Variants in JMJD1C observed in about 807,000 individuals in gnomAD.
JMJD1C encodes the protein jumonji domain containing 1C.
A neutral mutation model predicts 245.3 loss-of-function variants in JMJD1C; 31 were observed. The observed-to-expected ratio is 0.13, with a 90% CI of 0.09 to 0.17. The LOEUF (loss-of-function observed/expected upper bound fraction) is 0.17. JMJD1C is among the 10% of genes least tolerant of loss of function. The pLI is 1.00. For synonymous variants in JMJD1C, 1,057 were observed against 1,017.4 expected (o/e 1.04, Z -0.74); for missense variants, 2,691 against 3,000.2 (o/e 0.90, Z 2.41).
intron 1 of JMJD1C, among the ~76,000 whole-genome samples, chr10:63,415,974 C>T (rs1419143392): frequency 6.6e-6 from 1 of 152,188 alleles, no homozygotes; most frequent in Non-Finnish European, 1.5e-5. Flanking sequence ...CCCACAACTA[C>T]ACAGCTGAAC....
intron 13 of JMJD1C, among the ~76,000 whole-genome samples, chr10:63,197,072 G>A (rs1845542748): frequency 6.6e-6 from 1 of 151,948 alleles, no homozygotes; most frequent in Non-Finnish European, 1.5e-5. Context: ...GCCTCCCAAA[G>A]TGCTGAGATT....
At chr10:63,305,884 A>C (rs1353867552) in intron 2 of JMJD1C, among the ~76,000 whole-genome samples, 1 of 151,138 alleles carries the variant, frequency 6.6e-6, no homozygotes, top group Non-Finnish European at 1.5e-5. Context: ...AGGCATGTGC[A>C]AACTAATTTT....
At chr10:63,508,927 AT>A (rs1166640284) in intron 1 of JMJD1C, among the ~76,000 whole-genome samples, 1 of 152,066 alleles carries the variant, frequency 6.6e-6, no homozygotes, top group Non-Finnish European at 1.5e-5. Context: ...TTTTATTTCC[AT>A]TTTTTGTCTT....
At chr10:63,513,691 T>C (rs1954935827) in intron 1 of JMJD1C, among the ~76,000 whole-genome samples, 1 of 152,046 alleles carries the variant, frequency 6.6e-6, no homozygotes, top group African/African-American at 2.4e-5. Context: ...GACAGGCGGA[T>C]CATGAGGTCA....
chr10:63,368,608 G>A (rs1259828471), intron 2 of JMJD1C, among the ~76,000 whole-genome samples: 1 of 152,196 alleles, frequency 6.6e-6, no homozygotes, highest in African/African-American at 2.4e-5. Context: ...TAATAAAACA[G>A]CATCACGTTG....
At chr10:63,385,239 T>C (rs1237530237) in intron 1 of JMJD1C, among the ~76,000 whole-genome samples, 1 of 151,920 alleles carries the variant, frequency 6.6e-6, no homozygotes, top group African/African-American at 2.4e-5. Flanking sequence ...CAAAGATCAC[T>C]GATGACACAT....
chr10:63,386,375 A>G (rs1440009179), intron 1 of JMJD1C, among the ~76,000 whole-genome samples: 2 of 152,194 alleles, frequency 1.3e-5, no homozygotes, highest in Non-Finnish European at 2.9e-5. Flanking sequence ...CAGGGCTGCA[A>G]CATGATGGCT....
At chr10:63,239,867 G>A (rs995903376) in intron 3 of JMJD1C, among the ~76,000 whole-genome samples, 4 of 152,200 alleles carry the variant, frequency 2.6e-5, no homozygotes, top group Admixed American at 2.6e-4. Context: ...ACAGTAAATA[G>A]ACAGCAGAAG....
At chr10:63,198,455 C>T (rs1040016391) in intron 12 of JMJD1C, 58 bp downstream of exon 12, 1 of 1,079,438 alleles carries the variant, frequency 9.3e-7, no homozygotes, top group African/African-American at 1.6e-5. Flanking sequence ...AAACATAATT[C>T]AAAGAGAAAT....
intron 19 of JMJD1C, among the ~76,000 whole-genome samples, chr10:63,185,925 C>T (rs1190389475): frequency 6.6e-6 from 1 of 152,168 alleles, no homozygotes; most frequent in Admixed American, 6.5e-5. Context: ...TACATCTACA[C>T]TTTTAATTTT....
chr10:63,196,614 T>G (rs1020204898), intron 13 of JMJD1C, among the ~76,000 whole-genome samples: 1 of 152,302 alleles, frequency 6.6e-6, no homozygotes, highest in African/African-American at 2.4e-5. Context: ...AAGAGCGGCC[T>G]GAAATGAAAA....
At chr10:63,261,912 T>G (rs1313804051) in intron 3 of JMJD1C, among the ~76,000 whole-genome samples, 1 of 152,112 alleles carries the variant, frequency 6.6e-6, no homozygotes, top group Non-Finnish European at 1.5e-5. Flanking sequence ...TTCTGGAAAT[T>G]TTAAAAACTT....
intron 24 of JMJD1C, among the ~76,000 whole-genome samples, chr10:63,175,447 A>G (rs1842790525): frequency 6.6e-6 from 1 of 152,208 alleles, no homozygotes; most frequent in South Asian, 2.1e-4. Flanking sequence ...GATAAATCTG[A>G]CCCTGAATCT....
intron 2 of JMJD1C, among the ~76,000 whole-genome samples, chr10:63,302,158 C>G (rs1182712183): frequency 1.3e-5 from 2 of 152,180 alleles, no homozygotes; most frequent in African/African-American, 2.4e-5. Flanking sequence ...GCTGGGACTA[C>G]TGGCATGAGC....
intron 1 of JMJD1C, among the ~76,000 whole-genome samples, chr10:63,505,055 A>T (rs769393040): frequency 1.3e-5 from 2 of 152,174 alleles, no homozygotes; most frequent in Non-Finnish European, 2.9e-5. Context: ...GCTCACGCCT[A>T]TAACCCCAGC....
chr10:63,256,524 C>T (rs965483593), intron 3 of JMJD1C, among the ~76,000 whole-genome samples: 1 of 152,154 alleles, frequency 6.6e-6, no homozygotes, highest in Non-Finnish European at 1.5e-5. Flanking sequence ...GCTGCTGGTT[C>T]CTCTTTTCTT....
Position 63,465,839 on chromosome 10 carries a change from C to A in JMJD1C, c.-177G>T. The A allele has an allele frequency of 2.7e-6, 2 of 733,412 alleles. No homozygotes were observed. The highest frequency in any genetic ancestry group is 3.0e-5 in the South Asian group (2 of 67,194). 45.4% of individuals were successfully genotyped at this position (733,412 alleles called of 1,614,324 possible). The stretch of plus-strand genomic sequence containing the variant: ...CCCGGACACAGCGACCTCGGGCCCT[C>A]CCCGCAAACACTCCTTTGGACTCCC... On this transcript the variant is annotated 5_prime_UTR_variant, in exon 1 of 26. Transcript: ENST00000399262.
intron 1 of JMJD1C, among the ~76,000 whole-genome samples, chr10:63,502,466 C>T (rs570919750): frequency 9.2e-5 from 14 of 152,056 alleles, no homozygotes; most frequent in African/African-American, 3.1e-4. Flanking sequence ...GTGAAACCCC[C>T]GTCTCTAATA....
intron 2 of JMJD1C, among the ~76,000 whole-genome samples, chr10:63,370,232 T>C (rs1399115175): frequency 6.6e-6 from 1 of 152,182 alleles, no homozygotes; most frequent in Non-Finnish European, 1.5e-5. Context: ...TCTCAATGAG[T>C]TATATCAATC....
Sources: gnomAD v4.1 joint callset for allele counts (sites outside exome capture counted in the v4.1 genomes callset) on GRCh38, gnomAD v4.1.1 for gene constraint, MANE v1.5 for transcripts, NCBI Gene and HGNC (gene_info 2026-07-23, HGNC 2026-07-21) for gene names.